DYNC1H1: variants seen among roughly 807,000 people sequenced by gnomAD.
DYNC1H1 encodes dynein cytoplasmic 1 heavy chain 1, also known as cytoplasmic dynein 1 heavy chain 1.
A neutral mutation model predicts 527.1 loss-of-function variants in DYNC1H1; 51 were observed. The ratio of observed to expected loss-of-function variants is 0.10; its 90% CI spans 0.08 to 0.12. The LOEUF (loss-of-function observed/expected upper bound fraction) is 0.12. DYNC1H1 is among the 10% of genes least tolerant of loss of function. The pLI is 1.00. For missense variants in DYNC1H1, 2,771 were observed against 5,971.8 expected (o/e 0.46, Z 17.66); for synonymous variants, 2,189 against 2,278.8 (o/e 0.96, Z 1.12).
rs530577457 is a variant in DYNC1H1, at chr14:101,997,960, G to A, written c.3804+686G>A. Among the ~76,000 whole-genome samples, 4 of 152,352 alleles carry A rather than the reference G, an allele frequency of 2.6e-5. No individual in the cohort carries two copies. Among genetic ancestry groups the A allele is most frequent in the African/African-American group, 9.6e-5 (4 of 41,590 alleles). On this transcript the variant is annotated intron_variant, in intron 16 of 77. Coordinates refer to ENST00000360184, the MANE Select transcript of DYNC1H1 (RefSeq NM_001376.5). The surrounding 1 kb of genome is among the most constrained non-coding windows in gnomAD (Gnocchi z 4.8). ...GGGCGCTGGCTCAGTGGCTACTGCT[G>A]TGCCTGGGAGGGTGGTGTGGAAGGG... is the stretch of plus-strand genomic sequence containing the variant.
intron 1 of DYNC1H1, among the ~76,000 whole-genome samples, chr14:101,970,235 A>T (rs971780859): frequency 6.6e-6 from 1 of 152,046 alleles, no homozygotes; most frequent in Non-Finnish European, 1.5e-5. Flanking sequence ...CTTCAGGTGG[A>T]GGAGAATACT....
At chr14:102,043,353 T>G in intron 69 of DYNC1H1, 2 of 226,268 alleles carry the variant, frequency 8.8e-6, no homozygotes, top group South Asian at 1.2e-4. Flanking sequence ...ATTTCCTTCC[T>G]TTGAGCAGGT....
chr14:101,996,377 G>A (rs551454582), intron 15 of DYNC1H1, among the ~76,000 whole-genome samples: 26 of 152,090 alleles, frequency 1.7e-4, no homozygotes, highest in African/African-American at 5.3e-4. Flanking sequence ...TGATCTGCCC[G>A]CCTTGACCTC....
Position 102,028,303 on chromosome 14 carries a change from G to A in DYNC1H1, c.9468+162G>A. The A allele has an allele frequency of 3.8e-6, 3 of 792,010 alleles. No homozygotes were observed. The East Asian group carries it at 8.8e-5, about 23-fold the overall frequency. The allele number at this position is 792,010 out of a possible 1,614,324, so 49.1% of individuals were successfully genotyped here. Reference sequence around the variant, plus strand: ...AAGGCGGGAGGATCACTTGAACCCAGGAGTTCAAGACCAGCCTGGGCAACA... The same window carrying A: ...AAGGCGGGAGGATCACTTGAACCCAAGAGTTCAAGACCAGCCTGGGCAACA... On this transcript the variant is annotated intron_variant, in intron 48 of 77. Coordinates refer to ENST00000360184, the MANE Select transcript of DYNC1H1 (RefSeq NM_001376.5).
Position 102,018,421 on chromosome 14 carries a change from G to T in DYNC1H1, c.8178-30G>T. 1.2e-6 allele frequency: 2 copies of T among 1,610,010 alleles called. No individual in the cohort carries two copies. The highest frequency in any genetic ancestry group is 2.2e-5 in the East Asian group (1 of 44,798). On this transcript the variant is annotated intron_variant, in intron 40 of 77. Transcript: ENST00000360184. This position sits in a 1 kb window ranked among gnomAD's most constrained non-coding sequence, Gnocchi z 5.2. ...CCTTCCTGGGAGGCGCTGTCAGGGAGGGGCGCTGAGCGGGGCTATCTGTGC... is the reference window on the plus strand; with the variant it reads ...CCTTCCTGGGAGGCGCTGTCAGGGATGGGCGCTGAGCGGGGCTATCTGTGC...
chr14:101,965,089 G>T lies in DYNC1H1; in HGVS notation c.256+142G>T, dbSNP rs979882555. ...GACCCCTGGATGGGCAGAGCCCGGCGGCCGCAGACGTCCCGCCGGCCGGGT... is the reference window on the plus strand; with the variant it reads ...GACCCCTGGATGGGCAGAGCCCGGCTGCCGCAGACGTCCCGCCGGCCGGGT... On this transcript the variant is annotated intron_variant, in intron 1 of 77. Coordinates refer to ENST00000360184, the MANE Select transcript of DYNC1H1 (RefSeq NM_001376.5). This position sits in a 1 kb window ranked among gnomAD's most constrained non-coding sequence, Gnocchi z 4.1. The T allele has an allele frequency of 1.2e-5, 11 of 904,628 alleles. No homozygotes were observed. In the African/African-American group the frequency reaches 1.8e-4, roughly 15 times the overall value. The allele number at this position is 904,628 out of a possible 1,614,324, so 56.0% of individuals were successfully genotyped here.
In DYNC1H1 at chr14:102,036,991, G is replaced by A. The variant is rs1050182495; in HGVS notation, c.10908+349G>A. On this transcript the variant is annotated intron_variant, in intron 57 of 77. Transcript: ENST00000360184. This position sits in a 1 kb window ranked among gnomAD's most constrained non-coding sequence, Gnocchi z 5.6. ...TGGCACCTGTAGTCCCAGCTACTCG[G>A]GAGGCTGAGGCAGGAGAATCACTTG... 35 of 345,732 alleles carry A rather than the reference G, an allele frequency of 1.0e-4. No homozygotes were observed. The highest frequency in any genetic ancestry group is 2.1e-3 in the Middle Eastern group (2 of 956). The allele number at this position is 345,732 out of a possible 1,614,324, so 21.4% of individuals were successfully genotyped here. A position where few individuals can be genotyped will look rare whatever the true frequency, so the allele number is the denominator to read the frequency against.
Position 102,018,763 on chromosome 14 carries a change from C to A in DYNC1H1, c.8343+147C>A. ...ATCCTTTGAGCCCAGGAGTTTGAGA[C>A]CAGTCTGGACAACATGGCAAAACCC... On this transcript the variant is annotated intron_variant, in intron 41 of 77. Transcript: ENST00000360184. The surrounding 1 kb of genome is among the most constrained non-coding windows in gnomAD (Gnocchi z 5.2). 1.9e-6 allele frequency: 2 copies of A among 1,071,572 alleles called. No individual in the cohort carries two copies. The highest frequency in any genetic ancestry group is 2.0e-5 in the Admixed American group (1 of 49,518). The allele number at this position is 1,071,572 out of a possible 1,614,324, so 66.4% of individuals were successfully genotyped here.
In DYNC1H1 at chr14:102,015,360, A is replaced by G; in HGVS notation, c.7242+28A>G. 6.9e-6 allele frequency: 11 copies of G among 1,587,874 alleles called. No homozygotes were observed. Among genetic ancestry groups the G allele is most frequent in the Non-Finnish European group, 9.4e-6 (11 of 1,165,886 alleles). On this transcript the variant is annotated intron_variant, in intron 35 of 77. Coordinates refer to ENST00000360184, the MANE Select transcript of DYNC1H1 (RefSeq NM_001376.5). This position sits in a 1 kb window ranked among gnomAD's most constrained non-coding sequence, Gnocchi z 6.9. Reference sequence around the variant, plus strand: ...ACGCCCAGGTGGGACCCCACATATCATGACCTGAGGGTGCTAGGATATTCA... The same window carrying G: ...ACGCCCAGGTGGGACCCCACATATCGTGACCTGAGGGTGCTAGGATATTCA...
intron 2 of DYNC1H1, among the ~76,000 whole-genome samples, chr14:101,976,385 A>G (rs890276621): frequency 6.6e-6 from 1 of 151,512 alleles, no homozygotes; most frequent in Non-Finnish European, 1.5e-5. Flanking sequence ...TCTACTAAAA[A>G]TACAAAATTA....
At chr14:102,021,937 C>A (rs973942677) in intron 42 of DYNC1H1, among the ~76,000 whole-genome samples, 3 of 152,056 alleles carry the variant, frequency 2.0e-5, no homozygotes, top group African/African-American at 7.2e-5. Context: ...GCTGGGATTA[C>A]AGCTTGAGAC....
chr14:102,040,405 G>A lies in DYNC1H1; in HGVS notation c.11860G>A (p.Asp3954Asn). The stretch of plus-strand genomic sequence containing the variant: ...GGACTTGATTGCAAAGGTTCAGGCA[G>A]ACGAGGTGATTGTTCTCTTGAATGT... ...FKDLIAKVQA[D>N]EQFGIWLDSS... is the part of the protein sequence containing the mutation. Residue 3954 changes from aspartate to asparagine, a missense_variant, in exon 63 of 78, where the codon GAC becomes AAC. Around this residue, in one of 32 missense-constraint regions of DYNC1H1, gnomAD observed 120 missense variants for 161.9 expected, o/e 0.74. Coordinates refer to ENST00000360184, the MANE Select transcript of DYNC1H1 (RefSeq NM_001376.5). 6.2e-7 allele frequency: 1 copy of A among 1,614,220 alleles called. No individual in the cohort carries two copies. Among genetic ancestry groups the A allele is most frequent in the Non-Finnish European group, 8.5e-7 (1 of 1,180,038 alleles).
intron 43 of DYNC1H1, among the ~76,000 whole-genome samples, chr14:102,024,715 G>A (rs2048428420): frequency 8.5e-6 from 1 of 118,270 alleles, no homozygotes; most frequent in African/African-American, 3.4e-5. Context: ...TTTTTTTGGA[G>A]ATGGAGTCTC....
Position 102,002,414 on chromosome 14 carries a change from T to G in DYNC1H1, c.4543-123T>G. ...GCGTGAGCCACCACACCCGTCTACTTGTTGTTTAAAATGTGAATCAGATTA... is the reference window on the plus strand; with the variant it reads ...GCGTGAGCCACCACACCCGTCTACTGGTTGTTTAAAATGTGAATCAGATTA... On this transcript the variant is annotated intron_variant, in intron 21 of 77. Transcript: ENST00000360184. This position sits in a 1 kb window ranked among gnomAD's most constrained non-coding sequence, Gnocchi z 4.4. 8.9e-6 allele frequency: 12 copies of G among 1,341,132 alleles called. No homozygotes were observed. The highest frequency in any genetic ancestry group is 2.9e-5 in the African/African-American group (2 of 69,422). The allele number at this position is 1,341,132 out of a possible 1,614,324, so 83.1% of individuals were successfully genotyped here.
intron 10 of DYNC1H1, among the ~76,000 whole-genome samples, chr14:101,990,717 GTA>G (rs1352821786): frequency 4.0e-5 from 6 of 151,692 alleles, no homozygotes; most frequent in Non-Finnish European, 8.8e-5. Flanking sequence ...TCTATAAAAA[GTA>G]CAAAAATTAG....
intron 18 of DYNC1H1, 174 bp downstream of exon 18, chr14:102,000,573 CTTTTTTTT>C: frequency 2.4e-6 from 1 of 419,862 alleles, no homozygotes; most frequent in Non-Finnish European, 4.2e-6. Context: ...ATTTTGAAAC[CTTTTTTTT>C]TTTTTTTTTT....
rs921555055 is a variant in DYNC1H1, at chr14:102,036,047, T to C, written c.10755-442T>C. On this transcript the variant is annotated intron_variant, in intron 56 of 77. Coordinates refer to ENST00000360184, the MANE Select transcript of DYNC1H1 (RefSeq NM_001376.5). The surrounding 1 kb of genome is among the most constrained non-coding windows in gnomAD (Gnocchi z 5.6). Reference sequence around the variant, plus strand: ...CAGTGTCAGCCTCATAGGGCTGTTATGAGGATTACGTGACGTAGTGTCTGT... The same window carrying C: ...CAGTGTCAGCCTCATAGGGCTGTTACGAGGATTACGTGACGTAGTGTCTGT... The C allele has an allele frequency of 1.8e-5, 4 of 222,554 alleles. No individual in the cohort carries two copies. The highest frequency in any genetic ancestry group is 6.9e-5 in the African/African-American group (3 of 43,702). 13.8% of individuals were successfully genotyped at this position (222,554 alleles called of 1,614,324 possible). A position where few individuals can be genotyped will look rare whatever the true frequency, so the allele number is the denominator to read the frequency against.
intron 1 of DYNC1H1, among the ~76,000 whole-genome samples, chr14:101,975,410 C>T (rs1404361746): frequency 1.3e-5 from 2 of 152,210 alleles, no homozygotes; most frequent in South Asian, 2.1e-4. Context: ...TAGCCAGCAG[C>T]GGCTAGCACT....
intron 42 of DYNC1H1, among the ~76,000 whole-genome samples, chr14:102,021,643 CTTTT>C (rs33943423): frequency 7.0e-6 from 1 of 143,626 alleles, no homozygotes; most frequent in Non-Finnish European, 1.5e-5. Flanking sequence ...GTTCCCATTT[CTTTT>C]TTCTTTTTCT....
Sources: allele counts gnomAD v4.1 joint callset (sites outside exome capture counted in the v4.1 genomes callset), GRCh38; gene constraint gnomAD v4.1.1; regional missense constraint gnomAD v4.1.1; non-coding constraint Gnocchi (gnomAD v3.1); transcripts MANE v1.5; gene names NCBI Gene and HGNC (gene_info 2026-07-23, HGNC 2026-07-21).